The following C2CD2 variants were observed in gnomAD, a reference collection of about 807,000 sequenced individuals.
C2CD2 encodes the protein C2 domain-containing protein 2.
C2CD2 carries 43 observed loss-of-function variants against 74.3 expected under a neutral mutation model. That is an observed-to-expected ratio of 0.58 (90% CI 0.45 to 0.75). The LOEUF (loss-of-function observed/expected upper bound fraction) is 0.75, where lower values mean the gene tolerates loss of function less well. Among genes scored for constraint, C2CD2 ranks in the 30% least tolerant of loss-of-function variants. The probability of loss-of-function intolerance (pLI) is 0.00; values close to 1 mark genes in which losing one functional copy is unlikely to be tolerated. For missense variants in C2CD2, 801 were observed against 916.3 expected, an observed-to-expected ratio of 0.87 and a Z score of 1.63; for synonymous variants, 422 against 390.7, an observed-to-expected ratio of 1.08 and a Z score of -0.94.
chr21:41,925,870 T>A (rs1050594981), intron 2 of C2CD2, among the ~76,000 whole-genome samples: 6 of 152,038 alleles, frequency 3.9e-5, no homozygotes, highest in Admixed American at 2.0e-4. Flanking sequence ...CACGAGTGGG[T>A]AGAGACCCTG....
chr21:41,906,557 G>C (rs2064964446), intron 10 of C2CD2, among the ~76,000 whole-genome samples: 1 of 152,104 alleles, frequency 6.6e-6, no homozygotes, highest in Non-Finnish European at 1.5e-5. Context: ...TAGAGATGGG[G>C]TTTCACCACG....
chr21:41,947,075 T>C (rs1190719983), intron 1 of C2CD2, among the ~76,000 whole-genome samples: 2 of 149,206 alleles, frequency 1.3e-5, no homozygotes. Context: ...ATTGTGACAA[T>C]GTTAATTTCT....
chr21:41,949,258 T>C (rs899255269), intron 1 of C2CD2, among the ~76,000 whole-genome samples: 35 of 152,102 alleles, frequency 2.3e-4, no homozygotes, highest in African/African-American at 8.5e-4. Flanking sequence ...GTGTAACTGA[T>C]TATCATGGAC....
chr21:41,932,352 G>C lies in C2CD2; in HGVS notation c.378+9795C>G, dbSNP rs1003490470. ...TATCCTTCACAATAAACTAGTAATA[G>C]TTAGTAAACTGTTTTCCTGAGTTCT... is the stretch of plus-strand genomic sequence containing the variant. On this transcript the variant is annotated intron_variant, in intron 2 of 13. Transcript: ENST00000380486. 4.7e-5 allele frequency among the ~76,000 whole-genome samples: 7 copies of C among 150,268 alleles called. No individual in the cohort carries two copies. The South Asian group carries it at 1.5e-3, about 32-fold the overall frequency.
At position 41,904,750 on chromosome 21, in the gene C2CD2, C is replaced by T. The variant is rs1274148141; in HGVS notation, c.1432+974G>A. On this transcript the variant is annotated intron_variant, in intron 11 of 13. Coordinates refer to ENST00000380486, the MANE Select transcript of C2CD2 (RefSeq NM_015500.2). ...GAGAACTTTCCACTCCCCTGACTGCCCCACCTTGCCCAGTTGTTGACCTGG... is the reference window on the plus strand; with the variant it reads ...GAGAACTTTCCACTCCCCTGACTGCTCCACCTTGCCCAGTTGTTGACCTGG... 1.8e-4 allele frequency among the ~76,000 whole-genome samples: 28 copies of T among 152,184 alleles called. 1 individual carries two copies. The highest frequency in any genetic ancestry group is 1.8e-3 in the Admixed American group (28 of 15,286).
Position 41,899,522 on chromosome 21 carries a change from T to C in C2CD2, c.1561-160A>G, listed in dbSNP as rs536508093. On this transcript the variant is annotated intron_variant, in intron 12 of 13. Transcript: ENST00000380486. This position sits in a 1 kb window ranked among gnomAD's most constrained non-coding sequence, Gnocchi z 4.4. The stretch of plus-strand genomic sequence containing the variant: ...AGAAGGCGCTTATACATCACGGCCG[T>C]TGCTCATGCTTGGGTTAAAAAAGGT... 7.9e-5 allele frequency among the ~76,000 whole-genome samples: 12 copies of C among 152,274 alleles called. No individual in the cohort carries two copies. In the South Asian group the frequency reaches 2.5e-3, roughly 32 times the overall value.
chr21:41,899,549 T>C lies in C2CD2; in HGVS notation c.1561-187A>G, dbSNP rs986913279. Among the ~76,000 whole-genome samples the C allele has an allele frequency of 6.6e-6, 1 of 152,150 alleles. No homozygotes were observed. Among genetic ancestry groups the C allele is most frequent in the African/African-American group, 2.4e-5 (1 of 41,440 alleles). On this transcript the variant is annotated intron_variant, in intron 12 of 13. Transcript: ENST00000380486. This position sits in a 1 kb window ranked among gnomAD's most constrained non-coding sequence, Gnocchi z 4.4. ...GCTCATGCTTGGGTTAAAAAAGGTC[T>C]CCCTTACAGCCAGGGCTCAGGATCC...
chr21:41,897,332 C>A (rs218366), intron 13 of C2CD2, among the ~76,000 whole-genome samples: 2 of 152,032 alleles, frequency 1.3e-5, no homozygotes, highest in Non-Finnish European at 1.5e-5. Flanking sequence ...ACGGGCCATC[C>A]AGTCAGGTAA....
chr21:41,918,034 A>G, intron 5 of C2CD2, 71 bp downstream of exon 5: 1 of 1,578,368 alleles, frequency 6.3e-7, no homozygotes, highest in Non-Finnish European at 8.7e-7. Context: ...ACGCACACAG[A>G]TTCTCCAAGA....
chr21:41,938,139 G>A (rs1476117230), intron 2 of C2CD2, among the ~76,000 whole-genome samples: 1 of 151,460 alleles, frequency 6.6e-6, no homozygotes. Context: ...GACATCATCT[G>A]TATGTTAGAT....
chr21:41,897,650 C>G (rs1048908888), intron 13 of C2CD2, among the ~76,000 whole-genome samples: 1 of 152,228 alleles, frequency 6.6e-6, no homozygotes, highest in African/African-American at 2.4e-5. Flanking sequence ...TTCTCCCTTT[C>G]CTCTTCTAAC....
At chr21:41,915,135 A>G (rs2065074358) in intron 5 of C2CD2, among the ~76,000 whole-genome samples, 1 of 152,220 alleles carries the variant, frequency 6.6e-6, no homozygotes. Flanking sequence ...AGTACAGAGC[A>G]GGACACCAGA....
intron 9 of C2CD2, among the ~76,000 whole-genome samples, chr21:41,907,398 A>G (rs2064975781): frequency 6.6e-6 from 1 of 152,244 alleles, no homozygotes; most frequent in Admixed American, 6.5e-5. Flanking sequence ...GAACCAAGCA[A>G]AACTTTCAAA....
chr21:41,932,783 A>C (rs1216400469), intron 2 of C2CD2, among the ~76,000 whole-genome samples: 1 of 150,408 alleles, frequency 6.6e-6, no homozygotes. Context: ...GGAAGACCGC[A>C]CTCTGTGTAG....
chr21:41,893,216 T>C (rs1321282715), intron 13 of C2CD2, among the ~76,000 whole-genome samples: 1 of 152,168 alleles, frequency 6.6e-6, no homozygotes, highest in African/African-American at 2.4e-5. Flanking sequence ...CAAGCAGTTA[T>C]GATAATTTAT....
intron 2 of C2CD2, among the ~76,000 whole-genome samples, chr21:41,932,816 G>A (rs1388758620): frequency 1.3e-5 from 2 of 150,550 alleles, no homozygotes; most frequent in Admixed American, 6.7e-5. Flanking sequence ...GGGTTTTGCA[G>A]ATGAACCAGA....
chr21:41,946,134 C>G (rs73221448), intron 1 of C2CD2, among the ~76,000 whole-genome samples: 17 of 152,292 alleles, frequency 1.1e-4, no homozygotes, highest in Non-Finnish European at 1.9e-4. Context: ...ATCAAGAGAA[C>G]TGCACCTGCG....
rs759218688 is a variant in C2CD2 at position 41,914,685 on chromosome 21, A to G, written c.757T>C (p.Cys253Arg). Reference sequence around the variant, plus strand: ...TGAGCCCTTGGAGGTTTAGGAGGACAGGATTCCTGAGCAGTAGATGCAGCA... The same window carrying G: ...TGAGCCCTTGGAGGTTTAGGAGGACGGGATTCCTGAGCAGTAGATGCAGCA... The part of the protein sequence containing the change: ...QCAASTAQES[C>R]PPKPPRAHEL... Residue 253 changes from cysteine to arginine, a missense_variant, in exon 6 of 14, where the codon TGT (cysteine) becomes CGT (arginine). Coordinates refer to ENST00000380486, the MANE Select transcript of C2CD2 (RefSeq NM_015500.2). 1 of 1,613,626 alleles carries G rather than the reference A, an allele frequency of 6.2e-7. No homozygotes were observed. Among genetic ancestry groups the G allele is most frequent in the Non-Finnish European group, 8.5e-7 (1 of 1,179,536 alleles).
chr21:41,888,367 T>C lies in C2CD2; in HGVS notation c.*757A>G, dbSNP rs1014820703. On this transcript the variant is annotated 3_prime_UTR_variant, in exon 14 of 14. Coordinates refer to ENST00000380486, the MANE Select transcript of C2CD2 (RefSeq NM_015500.2). ...TGGATGTCAACTGCTCCACTAGCAT[T>C]ATTAGAGCTTTTAACACGATAGAGA... The C allele has an allele frequency of 5.9e-5, 9 of 152,704 alleles. No individual in the cohort carries two copies. Among genetic ancestry groups the C allele is most frequent in the African/African-American group, 2.2e-4 (9 of 41,546 alleles). The allele number at this position is 152,704 out of a possible 1,614,324, so 9.5% of individuals were successfully genotyped here. A position where few individuals can be genotyped will look rare whatever the true frequency, so the allele number is the denominator to read the frequency against.
Sources: allele counts gnomAD v4.1 joint callset (sites outside exome capture counted in the v4.1 genomes callset), GRCh38; gene constraint gnomAD v4.1.1; non-coding constraint Gnocchi (gnomAD v3.1); transcripts MANE v1.5; gene names NCBI Gene and HGNC (gene_info 2026-07-23, HGNC 2026-07-21).